Variants in PTPRC observed in about 807,000 individuals in gnomAD.
PTPRC encodes the protein protein tyrosine phosphatase receptor type C, also known as receptor-type tyrosine-protein phosphatase C.
Under a neutral mutation model 155.9 loss-of-function variants are expected in PTPRC, and 44 were observed. The observed-to-expected ratio is 0.28, with a 90% CI of 0.22 to 0.36. The LOEUF is 0.36. PTPRC is among the 10% of genes least tolerant of loss of function. The pLI is 1.00. For synonymous variants in PTPRC, 525 were observed against 533.1 expected, an observed-to-expected ratio of 0.98 and a Z score of 0.21; for missense variants, 1,401 against 1,564.6, an observed-to-expected ratio of 0.90 and a Z score of 1.76.
At chr1:198,725,264 G>T (rs1426309595) in intron 15 of PTPRC, among the ~76,000 whole-genome samples, 2 of 152,124 alleles carry the variant, frequency 1.3e-5, no homozygotes, top group South Asian at 4.1e-4. Flanking sequence ...TTCCCCTTTG[G>T]TGTTGATGTT....
intron 2 of PTPRC, 22 bp downstream of exon 2, chr1:198,639,363 T>G: frequency 6.5e-7 from 1 of 1,540,698 alleles, no homozygotes; most frequent in Non-Finnish European, 8.9e-7. Context: ...GATATTAATA[T>G]TTTTTAAATT....
At chr1:198,705,439 T>C (rs1458734537) in intron 8 of PTPRC, among the ~76,000 whole-genome samples, 1 of 151,148 alleles carries the variant, frequency 6.6e-6, no homozygotes, top group Non-Finnish European at 1.5e-5. Context: ...TTTCTTTTTT[T>C]TTTTTTTTTC....
chr1:198,679,143 A>T, intron 2 of PTPRC: 1 of 210,104 alleles, frequency 4.8e-6, no homozygotes. Context: ...CCTACTTCCC[A>T]GACAGCTGCT....
At chr1:198,712,708 T>TTCTTAGATATCTTAGATA in intron 11 of PTPRC, 1 of 483,918 alleles carries the variant, frequency 2.1e-6, no homozygotes, top group Non-Finnish European at 3.7e-6. Flanking sequence ...GAAGAGGGGG[T>TTCTTAGATATCTTAGATA]TCTTAGATAT....
At chr1:198,669,680 C>G (rs1165111906) in intron 2 of PTPRC, among the ~76,000 whole-genome samples, 1 of 152,140 alleles carries the variant, frequency 6.6e-6, no homozygotes, top group Non-Finnish European at 1.5e-5. Context: ...GCCAGCCACT[C>G]CCAGACCCCT....
At chr1:198,747,376 A>C (rs1164987729) in intron 26 of PTPRC, among the ~76,000 whole-genome samples, 2 of 151,834 alleles carry the variant, frequency 1.3e-5, no homozygotes, top group Non-Finnish European at 2.9e-5. Flanking sequence ...CTGGAGAAAC[A>C]GTCAGGGGCG....
chr1:198,755,829 C>T (rs1213945343), intron 32 of PTPRC, 77 bp from the exon 33 acceptor site: 19 of 1,421,746 alleles, frequency 1.3e-5, no homozygotes, highest in Non-Finnish European at 1.9e-5. Flanking sequence ...ATCATTAGTT[C>T]TTGCTAATCT....
rs1403433173 is a variant in PTPRC at position 198,707,997 on chromosome 1, G to A, written c.905-136G>A. ...CTAGAGTTATTAGACTTTTCCCATA[G>A]CAATCTCAATCCTTGCCAAATTCTA... On this transcript the variant is annotated intron_variant, in intron 9 of 32. Coordinates refer to ENST00000442510, the MANE Select transcript of PTPRC (RefSeq NM_002838.5). 18 of 685,796 alleles carry A rather than the reference G, an allele frequency of 2.6e-5. No homozygotes were observed. In the East Asian group the frequency reaches 4.9e-4, roughly 19 times the overall value. 42.5% of individuals were successfully genotyped at this position (685,796 alleles called of 1,614,324 possible).
At chr1:198,685,227 A>G (rs1158160986) in intron 2 of PTPRC, among the ~76,000 whole-genome samples, 1 of 152,004 alleles carries the variant, frequency 6.6e-6, no homozygotes, top group Non-Finnish European at 1.5e-5. Flanking sequence ...AAGAATAAGA[A>G]AATTATTAAA....
chr1:198,659,609 A>G (rs998389754), intron 2 of PTPRC, among the ~76,000 whole-genome samples: 2 of 149,342 alleles, frequency 1.3e-5, no homozygotes, highest in African/African-American at 5.0e-5. Flanking sequence ...ATCTCAGCTC[A>G]CTGCAACCTA....
At chr1:198,673,287 GA>G (rs1175846858) in intron 2 of PTPRC, among the ~76,000 whole-genome samples, 22 of 152,004 alleles carry the variant, frequency 1.4e-4, no homozygotes, top group Non-Finnish European at 2.9e-5. Flanking sequence ...GCTATATTTT[GA>G]TCAAAATAAT....
At chr1:198,738,327 G>A (rs780222482) in intron 23 of PTPRC, among the ~76,000 whole-genome samples, 8 of 151,656 alleles carry the variant, frequency 5.3e-5, no homozygotes, top group South Asian at 4.2e-4. Context: ...ATATTCCTTC[G>A]TTACCCTGTT....
chr1:198,735,676 G>A (rs573036294), intron 23 of PTPRC, among the ~76,000 whole-genome samples: 47 of 151,776 alleles, frequency 3.1e-4, no homozygotes, highest in African/African-American at 1.1e-3. Context: ...TTCTAACTAT[G>A]CAGCAGAGAT....
chr1:198,670,831 C>A (rs1300675286), intron 2 of PTPRC, among the ~76,000 whole-genome samples: 1 of 151,948 alleles, frequency 6.6e-6, no homozygotes, highest in Non-Finnish European at 1.5e-5. Flanking sequence ...TTCAGCCAAC[C>A]ATGGATTGAA....
intron 2 of PTPRC, among the ~76,000 whole-genome samples, chr1:198,647,927 C>T (rs1329540787): frequency 2.6e-5 from 4 of 151,862 alleles, no homozygotes; most frequent in Non-Finnish European, 5.9e-5. Context: ...CACCCCAAAA[C>T]TTCCTCCTCA....
At chr1:198,719,121 T>C (rs1031742905) in intron 14 of PTPRC, among the ~76,000 whole-genome samples, 1 of 152,142 alleles carries the variant, frequency 6.6e-6, no homozygotes, top group African/African-American at 2.4e-5. Context: ...GGTCAAAATG[T>C]ATTTTGAGGC....
chr1:198,702,436 T>G lies in PTPRC; in HGVS notation c.489T>G (p.Val163=). The G allele has an allele frequency of 6.2e-7, 1 of 1,614,090 alleles. No individual in the cohort carries two copies. Among genetic ancestry groups the G allele is most frequent in the Non-Finnish European group, 8.5e-7 (1 of 1,180,012 alleles). The change falls in exon 6 of 33, where the codon GTT becomes GTG. Residue 163 remains valine, a synonymous_variant. Coordinates refer to ENST00000442510, the MANE Select transcript of PTPRC (RefSeq NM_002838.5). ...STASTFPTDP[V]SPLTTTLSLA... ...CCAGCACCTTTCCTACAGACCCAGT[T>G]TCCCCATTGACAACCACCCTCAGCC...
intron 2 of PTPRC, among the ~76,000 whole-genome samples, chr1:198,672,102 G>A (rs571297489): frequency 6.6e-6 from 1 of 152,330 alleles, no homozygotes; most frequent in Admixed American, 6.5e-5. Flanking sequence ...GTTGGTCAAA[G>A]TGAAGCATAG....
At chr1:198,679,548 G>T (rs1355043919) in intron 2 of PTPRC, 2 of 170,202 alleles carry the variant, frequency 1.2e-5, no homozygotes, top group Non-Finnish European at 2.5e-5. Context: ...GATTACAGGA[G>T]TGAGCCACCT....
Sources: allele counts gnomAD v4.1 joint callset (sites outside exome capture counted in the v4.1 genomes callset), GRCh38; gene constraint gnomAD v4.1.1; transcripts MANE v1.5; gene names NCBI Gene and HGNC (gene_info 2026-07-23, HGNC 2026-07-21).